The following FAM120B variants were observed in gnomAD, a reference collection of about 807,000 sequenced individuals.
The protein encoded by FAM120B is constitutive coactivator of peroxisome proliferator-activated receptor gamma.
Under a neutral mutation model 96.3 loss-of-function variants are expected in FAM120B, and 83 were observed. The observed-to-expected ratio is 0.86, with a 90% CI of 0.72 to 1.03. FAM120B has a LOEUF of 1.03. Among genes scored for constraint, FAM120B ranks in the 50% least tolerant of loss-of-function variants. FAM120B has a pLI of 0.00. For synonymous variants in FAM120B, 407 were observed against 402.7 expected, an observed-to-expected ratio of 1.01 and a Z score of -0.13; for missense variants, 1,027 against 1,121.2, an observed-to-expected ratio of 0.92 and a Z score of 1.20.
chr6:170,379,012 G>A (rs576278845), intron 6 of FAM120B, among the ~76,000 whole-genome samples: 1 of 152,344 alleles, frequency 6.6e-6, no homozygotes, highest in East Asian at 1.9e-4. Context: ...GGCAGCCTTG[G>A]TGAGGGGTTT....
At chr6:170,402,615 C>G (rs1345034333) in intron 9 of FAM120B, among the ~76,000 whole-genome samples, 1 of 152,166 alleles carries the variant, frequency 6.6e-6, no homozygotes, top group South Asian at 2.1e-4. Flanking sequence ...TGGGCTCTCC[C>G]GGGCTCTGCG....
At chr6:170,291,978 G>A (rs1250650336), upstream of FAM120B, among the ~76,000 whole-genome samples, 1 of 152,204 alleles carries the variant, frequency 6.6e-6, no homozygotes, top group Admixed American at 6.5e-5. Context: ...CGTTCGCGTG[G>A]CTGTCATTAA....
At chr6:170,376,527 G>C (rs922004647) in intron 6 of FAM120B, among the ~76,000 whole-genome samples, 4 of 152,140 alleles carry the variant, frequency 2.6e-5, no homozygotes, top group Non-Finnish European at 4.4e-5. Flanking sequence ...TGGTAGAGCA[G>C]AGAGCGCTGG....
intron 6 of FAM120B, among the ~76,000 whole-genome samples, chr6:170,372,716 C>T (rs1010185775): frequency 6.6e-6 from 1 of 152,160 alleles, no homozygotes; most frequent in Admixed American, 6.5e-5. Context: ...CCTCCTGCCC[C>T]TGCTAAAGGA....
At chr6:170,404,441 C>A in intron 9 of FAM120B, 109 bp from the exon 10 acceptor site, 1 of 934,730 alleles carries the variant, frequency 1.1e-6, no homozygotes, top group Non-Finnish European at 1.7e-6. Context: ...GCTGTGTCCT[C>A]CAAATACAGC....
intron 6 of FAM120B, among the ~76,000 whole-genome samples, chr6:170,362,119 A>C (rs1421698502): frequency 6.6e-6 from 1 of 152,216 alleles, no homozygotes; most frequent in Non-Finnish European, 1.5e-5. Context: ...TACAGAAGTA[A>C]AGTAAATTAA....
chr6:170,323,945 C>T (rs1465600953), intron 3 of FAM120B, among the ~76,000 whole-genome samples: 2 of 152,040 alleles, frequency 1.3e-5, no homozygotes, highest in Non-Finnish European at 2.9e-5. Flanking sequence ...ATTTAGTGCC[C>T]TTCTATTTCA....
intron 7 of FAM120B, among the ~76,000 whole-genome samples, chr6:170,390,146 T>C (rs1383491320): frequency 6.6e-6 from 1 of 152,202 alleles, no homozygotes; most frequent in African/African-American, 2.4e-5. Context: ...TACCGGTCTG[T>C]CACGATAAAG....
At chr6:170,401,217 A>T (rs1302678121) in intron 9 of FAM120B, among the ~76,000 whole-genome samples, 1 of 152,148 alleles carries the variant, frequency 6.6e-6, no homozygotes, top group Non-Finnish European at 1.5e-5. Flanking sequence ...GGAACCCCCC[A>T]GTCGCCCCGG....
chr6:170,362,652 A>G (rs984938864), intron 6 of FAM120B, among the ~76,000 whole-genome samples: 1 of 151,700 alleles, frequency 6.6e-6, no homozygotes, highest in Non-Finnish European at 1.5e-5. Context: ...CCAGGGTGCA[A>G]TAATAATAAT....
Position 170,358,244 on chromosome 6 carries a change from G to T in FAM120B, c.2209G>T (p.Glu737Ter). 6.2e-7 allele frequency: 1 copy of T among 1,604,672 alleles called. No homozygotes were observed. Among genetic ancestry groups the T allele is most frequent in the Non-Finnish European group, 8.5e-7 (1 of 1,173,634 alleles). Residue 737 changes from glutamate to a stop codon, truncating the protein, a stop_gained, in exon 6 of 11, where the codon GAG becomes TAG. Coordinates refer to ENST00000476287, the MANE Select transcript of FAM120B (RefSeq NM_032448.3). LOFTEE classifies it high-confidence loss of function. ...TTTTCAGGTGGACACGCTTTGCCTG[G>T]AGGATTTGCATGCGTTTATTGCGCA... ...LFVQVDTLCL[E>*]DLHAFIAQAL...
rs917542506 is a variant in FAM120B at position 170,361,224 on chromosome 6, A to G, written c.2283+2906A>G. 1.5e-3 allele frequency among the ~76,000 whole-genome samples: 169 copies of G among 115,064 alleles called. 8 individuals carry two copies. The highest frequency in any genetic ancestry group is 4.1e-3 in the African/African-American group (139 of 33,654). 75.5% of individuals were successfully genotyped at this position (115,064 alleles called of 152,430 possible). ...TATATATATATATATATATATATAT[A>G]TATATATATATACACGTATATATAT... is the stretch of plus-strand genomic sequence containing the variant. On this transcript the variant is annotated intron_variant, in intron 6 of 10. Transcript: ENST00000476287.
upstream of FAM120B, chr6:170,291,003 C>T (rs1783853740): frequency 1.4e-6 from 1 of 701,986 alleles, no homozygotes; most frequent in Non-Finnish European, 2.6e-6. Flanking sequence ...ATCAGCAGCC[C>T]CCCAATCTGG....
intron 9 of FAM120B, among the ~76,000 whole-genome samples, chr6:170,401,242 C>T (rs989469236): frequency 6.6e-6 from 1 of 152,210 alleles, no homozygotes; most frequent in Non-Finnish European, 1.5e-5. Flanking sequence ...GCCAGAAGTC[C>T]AGAGGCCACC....
rs1790453197 is a variant in FAM120B, at chr6:170,391,033, C to T, written c.2511C>T (p.Phe837=). 9 of 1,614,056 alleles carry T rather than the reference C, an allele frequency of 5.6e-6. No individual in the cohort carries two copies. The highest frequency in any genetic ancestry group is 5.3e-5 in the African/African-American group (4 of 74,938). Residue 837 remains phenylalanine (F), a synonymous_variant, in exon 8 of 11, where the codon TTC becomes TTT. Transcript: ENST00000476287. ...LEQNRSRLTK[F]HNLKAVVCKA... ...TGCAGAGATCTCGGCTCACCAAATT[C>T]CACAACCTGAAGGCAGTCGTCTGCA...
At position 170,318,158 on chromosome 6, in the gene FAM120B, C is replaced by T. The variant is rs1464481632; in HGVS notation, c.768C>T (p.Asn256=). The T allele has an allele frequency of 1.2e-6, 2 of 1,614,028 alleles. No homozygotes were observed. The highest frequency in any genetic ancestry group is 1.7e-5 in the Admixed American group (1 of 60,000). ...CGTCCTACACCTCTGTAAAAGAGAA[C>T]TTTGACAAAAAAGGTAACATCATAT... ...CLSSYTSVKE[N]FDKKGNIILA... is the part of the protein sequence containing the mutation. The change falls in exon 2 of 11, where the codon AAC becomes AAT. Residue 256 remains asparagine, a synonymous_variant. Transcript: ENST00000476287.
At chr6:170,403,676 G>C (rs995257867) in intron 9 of FAM120B, among the ~76,000 whole-genome samples, 1 of 152,116 alleles carries the variant, frequency 6.6e-6, no homozygotes, top group African/African-American at 2.4e-5. Context: ...CTGTTGCTCA[G>C]CCCCGCTGGA....
In FAM120B at chr6:170,391,029, A is replaced by C; in HGVS notation, c.2507A>C (p.Lys836Thr). 6.2e-6 allele frequency: 10 copies of C among 1,614,120 alleles called. No homozygotes were observed. The highest frequency in any genetic ancestry group is 8.5e-6 in the Non-Finnish European group (10 of 1,180,022). ...LLEQNRSRLTKFHNLKAVVCK... is the reference protein window; with the variant it reads ...LLEQNRSRLTTFHNLKAVVCK... ...TGTTTGCAGAGATCTCGGCTCACCA[A>C]ATTCCACAACCTGAAGGCAGTCGTC... The change falls in exon 8 of 11, where the codon AAA (lysine) becomes ACA (threonine). Residue 836 changes from lysine (K) to threonine (T), a missense_variant. This residue lies in a region of FAM120B where 142 missense variants were observed against 122.5 expected (regional missense o/e 1.16). Coordinates refer to ENST00000476287, the MANE Select transcript of FAM120B (RefSeq NM_032448.3).
At chr6:170,296,493 G>C (rs1344302744) in intron 1 of FAM120B, among the ~76,000 whole-genome samples, 1 of 151,808 alleles carries the variant, frequency 6.6e-6, no homozygotes, top group African/African-American at 2.4e-5. Context: ...AGTCGCCGTC[G>C]TGACGGCCCC....
Sources: allele counts gnomAD v4.1 joint callset (sites outside exome capture counted in the v4.1 genomes callset), GRCh38; gene constraint gnomAD v4.1.1; regional missense constraint gnomAD v4.1.1; transcripts MANE v1.5; gene names NCBI Gene and HGNC (gene_info 2026-07-23, HGNC 2026-07-21).